The following CACNA1H variants were observed in gnomAD, a reference collection of about 807,000 sequenced individuals.
CACNA1H encodes the protein calcium voltage-gated channel subunit alpha1 H.
Under a neutral mutation model 192.5 loss-of-function variants are expected in CACNA1H, and 149 were observed. That is an observed-to-expected ratio of 0.77 (90% CI 0.68 to 0.89). CACNA1H has a LOEUF of 0.89. Ranked by LOEUF, CACNA1H falls within the 40% of genes least tolerant of loss-of-function variation. The pLI, the probability that CACNA1H is intolerant of heterozygous loss-of-function variation, is 0.00. For synonymous variants in CACNA1H, 2,202 were observed against 1,475.2 expected (o/e 1.49, Z -11.29); for missense variants, 4,257 against 3,423.5 (o/e 1.24, Z -6.08).
chr16:1,170,466 G>C (rs575614382), intron 2 of CACNA1H, among the ~76,000 whole-genome samples: 1 of 152,206 alleles, frequency 6.6e-6, no homozygotes, highest in Non-Finnish European at 1.5e-5. Context: ...GGAGGGGAGC[G>C]GGTGGACGGG....
In CACNA1H at chr16:1,221,422, C is replaced by T. The variant is rs1266998580; in HGVS notation, c.*428C>T. 6.4e-6 allele frequency: 2 copies of T among 311,092 alleles called. No homozygotes were observed. The allele number at this position is 311,092 out of a possible 1,614,324, so 19.3% of individuals were successfully genotyped here. A position where few individuals can be genotyped will look rare whatever the true frequency, so the allele number is the denominator to read the frequency against. Reference sequence around the variant, plus strand: ...TTGCAGCCACCGCGGCCCAATGTCACCTTCACTCACAGTCTGAGTTCTTGT... The same window carrying T: ...TTGCAGCCACCGCGGCCCAATGTCATCTTCACTCACAGTCTGAGTTCTTGT... On this transcript the variant is annotated 3_prime_UTR_variant, in exon 35 of 35. Coordinates refer to ENST00000348261, the MANE Select transcript of CACNA1H (RefSeq NM_021098.3).
At chr16:1,196,141 C>G (rs1966938328) in intron 5 of CACNA1H, 118 bp downstream of exon 5, 1 of 793,056 alleles carries the variant, frequency 1.3e-6, no homozygotes, top group African/African-American at 1.7e-5. Context: ...TTACCAGGCA[C>G]TCCGGCCCCA....
intron 2 of CACNA1H, among the ~76,000 whole-genome samples, chr16:1,184,980 C>T (rs560238449): frequency 4.1e-4 from 62 of 152,320 alleles, no homozygotes; most frequent in African/African-American, 1.4e-3. Flanking sequence ...ACCATCACCT[C>T]TGCCTAGTTC....
At chr16:1,207,198 A>T in intron 13 of CACNA1H, 77 bp from the exon 14 acceptor site, 1 of 1,551,822 alleles carries the variant, frequency 6.4e-7, no homozygotes, top group Non-Finnish European at 8.7e-7. Flanking sequence ...CTGCGCATCC[A>T]TAGCTGCCTC....
chr16:1,205,432 C>T (rs1055261198), intron 11 of CACNA1H, among the ~76,000 whole-genome samples, 167 bp downstream of exon 11: 6 of 152,152 alleles, frequency 3.9e-5, no homozygotes, highest in African/African-American at 1.2e-4. Context: ...CCCAAGGGAC[C>T]GTCCTGGGCA....
intron 2 of CACNA1H, among the ~76,000 whole-genome samples, chr16:1,162,703 G>C (rs1029611657): frequency 6.6e-5 from 10 of 152,070 alleles, no homozygotes; most frequent in African/African-American, 2.4e-4. Context: ...GGGTCTGGGG[G>C]CCGCACTTGG....
chr16:1,202,658 T>A (rs978069355), intron 9 of CACNA1H, among the ~76,000 whole-genome samples: 3 of 151,908 alleles, frequency 2.0e-5, no homozygotes, highest in African/African-American at 7.3e-5. Flanking sequence ...AAGCTCCCGG[T>A]GGCCCACAGC....
At chr16:1,211,083 C>A (rs1244380023) in intron 21 of CACNA1H, 85 bp from the exon 22 acceptor site, 10 of 1,569,466 alleles carry the variant, frequency 6.4e-6, no homozygotes, top group Non-Finnish European at 7.8e-6. Flanking sequence ...CCACTCGGCC[C>A]CACCTTGGGA....
Position 1,221,080 on chromosome 16 carries a change from C to T in CACNA1H, c.*86C>T. ...AGGCCCAGGCAGAACCCTGCATGGA[C>T]CCTGACTTGGGTCCCGTCGTGAGCA... is the stretch of plus-strand genomic sequence containing the variant. On this transcript the variant is annotated 3_prime_UTR_variant, in exon 35 of 35. Coordinates refer to ENST00000348261, the MANE Select transcript of CACNA1H (RefSeq NM_021098.3). 9.5e-7 allele frequency: 1 copy of T among 1,057,788 alleles called. No homozygotes were observed. Among genetic ancestry groups the T allele is most frequent in the Non-Finnish European group, 1.3e-6 (1 of 744,074 alleles). 65.5% of individuals were successfully genotyped at this position (1,057,788 alleles called of 1,614,324 possible).
chr16:1,209,227 G>T lies in CACNA1H; in HGVS notation c.3559G>T (p.Gly1187Trp). The part of the protein sequence containing the change: ...DEAEDGRAAP[G>W]PRATPLRRAE... ...AGCTGAGGACGGCAGGGCCGCGCCC[G>T]GGCCCCGTGCCACCCCACTGCGGCG... The change falls in exon 17 of 35, where the codon GGG (glycine) becomes TGG (tryptophan). Residue 1187 changes from glycine (G) to tryptophan (W), a missense_variant. Transcript: ENST00000348261. 1 of 1,544,678 alleles carries T rather than the reference G, an allele frequency of 6.5e-7. No individual in the cohort carries two copies. The highest frequency in any genetic ancestry group is 8.7e-7 in the Non-Finnish European group (1 of 1,146,492).
chr16:1,161,075 C>T (rs1963139025), intron 2 of CACNA1H, among the ~76,000 whole-genome samples: 2 of 152,150 alleles, frequency 1.3e-5, no homozygotes. Context: ...CACAGTTGCA[C>T]CCCCAGCCCT....
chr16:1,172,681 G>A (rs1964487743), intron 2 of CACNA1H, among the ~76,000 whole-genome samples: 1 of 152,204 alleles, frequency 6.6e-6, no homozygotes, highest in Admixed American at 6.5e-5. Flanking sequence ...AGCCACAGGG[G>A]CAGAGCCACC....
intron 8 of CACNA1H, 90 bp downstream of exon 8, chr16:1,200,898 C>T (rs905560142): frequency 5.4e-6 from 5 of 929,746 alleles, no homozygotes; most frequent in East Asian, 5.5e-5. Flanking sequence ...ATAGGGGCTC[C>T]TGTCTGTCTT....
chr16:1,218,717 G>A, intron 33 of CACNA1H, 66 bp downstream of exon 33: 2 of 1,379,298 alleles, frequency 1.5e-6, no homozygotes, highest in South Asian at 1.4e-5. Context: ...ATGGGGGCAG[G>A]TGGGAGGGAG....
At chr16:1,208,982 T>C in intron 16 of CACNA1H, 50 bp from the exon 17 acceptor site, 1 of 1,399,160 alleles carries the variant, frequency 7.1e-7, no homozygotes. Context: ...ATGACAGCGG[T>C]CGGTGCTAAT....
rs781510850 is a variant in CACNA1H, at chr16:1,209,359, C to T, written c.3691C>T (p.Arg1231Cys). Residue 1231 changes from arginine to cysteine, a missense_variant, in exon 17 of 35, where the codon CGC becomes TGC. Physicochemically the swap from Arg to Cys is radical, Grantham distance 180. Transcript: ENST00000348261. Reference protein sequence around the residue: ...VVALPSDFFLRIDSHREDAAE... With the variant: ...VVALPSDFFLCIDSHREDAAE... ...GGCCCTGCCCAGCGACTTCTTCCTG[C>T]GCATCGACAGCCACCGTGAGGATGC... 2.0e-5 allele frequency: 32 copies of T among 1,597,888 alleles called. No homozygotes were observed. Among genetic ancestry groups the T allele is most frequent in the Admixed American group, 3.3e-5 (2 of 59,978 alleles).
In CACNA1H at chr16:1,221,157, G is replaced by A; in HGVS notation, c.*163G>A. On this transcript the variant is annotated 3_prime_UTR_variant, in exon 35 of 35. Coordinates refer to ENST00000348261, the MANE Select transcript of CACNA1H (RefSeq NM_021098.3). ...AGGCCCTGGTTCTCTGCCCAGCGAA[G>A]CAGGAGTAGCTGCCGGGCCCCACGA... 1 of 571,856 alleles carries A rather than the reference G, an allele frequency of 1.7e-6. No individual in the cohort carries two copies. Among genetic ancestry groups the A allele is most frequent in the Non-Finnish European group, 3.0e-6 (1 of 334,202 alleles). 35.4% of individuals were successfully genotyped at this position (571,856 alleles called of 1,614,324 possible). A position where few individuals can be genotyped will look rare whatever the true frequency, so the allele number is the denominator to read the frequency against.
Position 1,153,169 on chromosome 16 carries a change from C to A in CACNA1H, c.-320C>A. The A allele has an allele frequency of 6.9e-6, 1 of 144,598 alleles. No individual in the cohort carries two copies. Among genetic ancestry groups the A allele is most frequent in the South Asian group, 1.8e-4 (1 of 5,424 alleles). 9.0% of individuals were successfully genotyped at this position (144,598 alleles called of 1,614,324 possible). A position where few individuals can be genotyped will look rare whatever the true frequency, so the allele number is the denominator to read the frequency against. ...GGCTCGCTCGCTGCCTCACCGGTCC[C>A]CGGCCCGCGCCCCGCGCCCCGCGCC... is the stretch of plus-strand genomic sequence containing the variant. On this transcript the variant is annotated 5_prime_UTR_variant, in exon 1 of 35. Transcript: ENST00000348261.
Position 1,220,652 on chromosome 16 carries a change from C to T in CACNA1H, c.6720C>T (p.Ala2240=), listed in dbSNP as rs375725132. The T allele has an allele frequency of 3.6e-5, 57 of 1,603,830 alleles. No homozygotes were observed. The Admixed American group carries it at 4.1e-4, about 12-fold the overall frequency. Residue 2240 remains alanine (A), a synonymous_variant, in exon 35 of 35, where the codon GCC becomes GCT. Coordinates refer to ENST00000348261, the MANE Select transcript of CACNA1H (RefSeq NM_021098.3). ...TGGAGCCCACAGAGGGCTCAGGCGCCGGGGGGGACCCTGCAGCCAAGGGGG... is the reference window on the plus strand; with the variant it reads ...TGGAGCCCACAGAGGGCTCAGGCGCTGGGGGGGACCCTGCAGCCAAGGGGG... The part of the protein sequence containing the change: ...DSLEPTEGSG[A]GGDPAAKGER...
Sources: allele counts gnomAD v4.1 joint callset (sites outside exome capture counted in the v4.1 genomes callset), GRCh38; gene constraint gnomAD v4.1.1; transcripts MANE v1.5; gene names NCBI Gene and HGNC (gene_info 2026-07-23, HGNC 2026-07-21).